Variants in SI observed in about 807,000 individuals in gnomAD.
SI encodes the protein sucrase-isomaltase, intestinal.
In SI, 235 loss-of-function variants were observed where a neutral mutation model predicts 253.3. The observed-to-expected ratio is 0.93, with a 90% confidence interval of 0.83 to 1.03. The LOEUF (loss-of-function observed/expected upper bound fraction) is 1.03, where lower values mean the gene tolerates loss of function less well. Ranked by LOEUF, SI falls within the 50% of genes least tolerant of loss-of-function variation. SI has a pLI of 0.00. For synonymous variants in SI, 819 were observed against 712.0 expected (o/e 1.15, Z -2.39); for missense variants, 2,442 against 2,211.1 (o/e 1.10, Z -2.09).
chr3:165,042,862 T>G (rs1712916158), intron 17 of SI, among the ~76,000 whole-genome samples, 197 bp downstream of exon 17: 1 of 152,076 alleles, frequency 6.6e-6, no homozygotes, highest in South Asian at 2.1e-4. Context: ...ATTTCATGAT[T>G]TCCTTATTTG....
At position 165,007,011 on chromosome 3, in the gene SI, G is replaced by A. The variant is rs576292546; in HGVS notation, c.4268-57C>T. 94 of 1,201,370 alleles carry A rather than the reference G, an allele frequency of 7.8e-5. No homozygotes were observed. In the South Asian group the frequency reaches 1.0e-3, roughly 13 times the overall value. 74.4% of individuals were successfully genotyped at this position (1,201,370 alleles called of 1,614,324 possible). ...ATTATACAGTGCCCTACAATGAAACGTGTAACTCATAATTATGTATTCCTT... is the reference window on the plus strand; with the variant it reads ...ATTATACAGTGCCCTACAATGAAACATGTAACTCATAATTATGTATTCCTT... On this transcript the variant is annotated intron_variant, in intron 36 of 47. Coordinates refer to ENST00000264382, the MANE Select transcript of SI (RefSeq NM_001041.4).
chr3:165,070,209 T>A (rs1714472367), intron 3 of SI, among the ~76,000 whole-genome samples: 1 of 144,422 alleles, frequency 6.9e-6, no homozygotes, highest in African/African-American at 2.6e-5. Flanking sequence ...ATATTATATA[T>A]AAAATATGTT....
At chr3:165,058,211 GA>G (rs1292169120) in intron 12 of SI, among the ~76,000 whole-genome samples, 1 of 151,694 alleles carries the variant, frequency 6.6e-6, no homozygotes, top group Non-Finnish European at 1.5e-5. Flanking sequence ...ATAAATTTAG[GA>G]AAAAATTTAC....
chr3:165,018,112 A>G, intron 28 of SI, 46 bp from the exon 29 acceptor site: 1 of 1,064,034 alleles, frequency 9.4e-7, no homozygotes, highest in Non-Finnish European at 1.5e-6. Context: ...TAACAATAGC[A>G]TGTGAATTTA....
intron 32 of SI, 108 bp from the exon 33 acceptor site, chr3:165,015,341 C>T: frequency 1.3e-6 from 1 of 751,366 alleles, no homozygotes; most frequent in South Asian, 1.5e-5. Context: ...TAATAATGTG[C>T]TCTCACATTA....
At chr3:165,025,231 A>T (rs1711849392) in intron 25 of SI, among the ~76,000 whole-genome samples, 1 of 151,240 alleles carries the variant, frequency 6.6e-6, no homozygotes. Context: ...ATAGAATCAT[A>T]CAGGCAGAGG....
intron 24 of SI, 114 bp from the exon 25 acceptor site, chr3:165,030,981 A>G: frequency 7.2e-7 from 1 of 1,394,366 alleles, no homozygotes; most frequent in Non-Finnish European, 9.5e-7. Flanking sequence ...TACATTTCAC[A>G]AAATGTGGCA....
chr3:165,058,896 A>ACACACACT, intron 12 of SI, 67 bp downstream of exon 12: 1 of 1,324,126 alleles, frequency 7.6e-7, no homozygotes, highest in Non-Finnish European at 1.1e-6. Context: ...ACGCACATCC[A>ACACACACT]CAGAAACTTT....
chr3:165,071,063 G>A (rs146937521), intron 3 of SI, among the ~76,000 whole-genome samples: 1 of 152,144 alleles, frequency 6.6e-6, no homozygotes, highest in Non-Finnish European at 1.5e-5. Context: ...AAGGACGTTA[G>A]TCATTCGACG....
At chr3:165,058,743 T>C (rs1369649556) in intron 12 of SI, among the ~76,000 whole-genome samples, 1 of 151,814 alleles carries the variant, frequency 6.6e-6, no homozygotes, top group East Asian at 1.9e-4. Context: ...ATCTGGTATA[T>C]CTTTACATTT....
chr3:164,982,890 A>G, intron 46 of SI, 112 bp downstream of exon 46: 1 of 1,033,386 alleles, frequency 9.7e-7, no homozygotes. Flanking sequence ...GCCTCAAGCA[A>G]TCCTCCCATG....
rs1430639752 is a variant in SI at position 165,021,349 on chromosome 3, G to A, written c.3134C>T (p.Pro1045Leu). Residue 1045 changes from proline to leucine, a missense_variant, in exon 27 of 48, where the codon CCA becomes CTA. Transcript: ENST00000264382. ...GGTGGTTGGAATGTTTAACGGTACTGGTACTTCATATCTCTTCTTTTGGGG... is the reference window on the plus strand; with the variant it reads ...GGTGGTTGGAATGTTTAACGGTACTAGTACTTCATATCTCTTCTTTTGGGG... ...YDPQKKRYEV[P>L]VPLNIPTTPI... is the part of the protein sequence containing the mutation. 1 of 1,610,512 alleles carries A rather than the reference G, an allele frequency of 6.2e-7. No homozygotes were observed. Among genetic ancestry groups the A allele is most frequent in the East Asian group, 2.2e-5 (1 of 44,746 alleles).
chr3:165,027,548 T>C (rs1310530120), intron 25 of SI, among the ~76,000 whole-genome samples: 2 of 151,288 alleles, frequency 1.3e-5, no homozygotes, highest in African/African-American at 2.4e-5. Flanking sequence ...GATGCAAGAA[T>C]CCTTAACAAA....
intron 10 of SI, among the ~76,000 whole-genome samples, chr3:165,059,697 A>G (rs182362918): frequency 1.0e-3 from 156 of 152,098 alleles, no homozygotes; most frequent in African/African-American, 3.5e-3. Flanking sequence ...ATAACTAACA[A>G]TTGATTCTTC....
chr3:165,007,821 AGC>A, intron 36 of SI, 88 bp downstream of exon 36: 1 of 452,514 alleles, frequency 2.2e-6, no homozygotes, highest in Non-Finnish European at 4.1e-6. Context: ...TTCTATGTAT[AGC>A]TAACTGATAT....
rs1436144091 is a variant in SI, at chr3:165,018,036, A to G, written c.3454T>C (p.Tyr1152His). ...YKLNSYGFHP[Y>H]YMALEEEGNA... ...CCCTCCTCTTCCAGAGCCATGTAAT[A>G]GGGATGAAATCCATAGGAATTAAGT... Residue 1152 changes from tyrosine to histidine, a missense_variant, in exon 29 of 48, where the codon TAT becomes CAT. Transcript: ENST00000264382. 6.2e-7 allele frequency: 1 copy of G among 1,610,218 alleles called. No individual in the cohort carries two copies. Among genetic ancestry groups the G allele is most frequent in the African/African-American group, 1.3e-5 (1 of 74,820 alleles).
chr3:165,001,194 A>G (rs887352751), intron 37 of SI, among the ~76,000 whole-genome samples: 3 of 151,394 alleles, frequency 2.0e-5, no homozygotes, highest in Non-Finnish European at 4.4e-5. Context: ...AAACACTTCT[A>G]TCTCATGACT....
chr3:165,070,134 TG>T, intron 3 of SI, among the ~76,000 whole-genome samples: 1 of 146,528 alleles, frequency 6.8e-6, no homozygotes, highest in Non-Finnish European at 1.5e-5. Flanking sequence ...GATAAGTATA[TG>T]GGATATATGT....
intron 37 of SI, among the ~76,000 whole-genome samples, chr3:165,004,248 G>A (rs1490520392): frequency 2.6e-5 from 4 of 152,146 alleles, no homozygotes; most frequent in Middle Eastern, 3.2e-3. Context: ...ACTACAATGA[G>A]ACATCATCTC....
Sources: gnomAD v4.1 joint callset for allele counts (sites outside exome capture counted in the v4.1 genomes callset) on GRCh38, gnomAD v4.1.1 for gene constraint, MANE v1.5 for transcripts, NCBI Gene and HGNC (gene_info 2026-07-23, HGNC 2026-07-21) for gene names.